Variants in CNTNAP2 observed in about 807,000 individuals in gnomAD.
CNTNAP2 encodes the protein contactin-associated protein-like 2.
In CNTNAP2, 98 loss-of-function variants were observed where a neutral mutation model predicts 155.2. The observed-to-expected ratio is 0.63, with a 90% CI of 0.54 to 0.75. The LOEUF is 0.75. Ranked by LOEUF, CNTNAP2 falls within the 30% of genes least tolerant of loss-of-function variation. The pLI is 0.00. For missense variants in CNTNAP2, 1,727 were observed against 1,688.1 expected (o/e 1.02, Z -0.40); for synonymous variants, 651 against 631.2 (o/e 1.03, Z -0.47).
intron 15 of CNTNAP2, among the ~76,000 whole-genome samples, chr7:148,105,566 G>T (rs1227227493): frequency 6.6e-6 from 1 of 151,758 alleles, no homozygotes. Context: ...GGTCGGTTTT[G>T]CATTTTATTT....
intron 13 of CNTNAP2, among the ~76,000 whole-genome samples, chr7:147,757,925 G>A (rs146738237): frequency 1.1e-3 from 168 of 152,244 alleles, no homozygotes; most frequent in African/African-American, 3.9e-3. Flanking sequence ...AAGTACATAC[G>A]TAGCACTTTA....
rs139137805 is a variant in CNTNAP2 at position 148,272,106 on chromosome 7, A to T, written c.3475+4980A>T. Among the ~76,000 whole-genome samples the T allele has an allele frequency of 5.6e-4, 85 of 152,352 alleles. No homozygotes were observed. In the East Asian group the frequency reaches 0.01, roughly 19 times the overall value. On this transcript the variant is annotated intron_variant, in intron 21 of 23. Transcript: ENST00000361727. ...GGCTACCTAATCAAGGACAAGTGTG[A>T]TCTTTATAAAGGGGATGGAGGATAT...
intron 3 of CNTNAP2, among the ~76,000 whole-genome samples, chr7:146,936,734 T>A (rs993705475): frequency 6.6e-6 from 1 of 152,182 alleles, no homozygotes; most frequent in African/African-American, 2.4e-5. Context: ...CATAGACTGC[T>A]GAGTGTTTAA....
At chr7:146,873,650 T>C (rs990823555) in intron 3 of CNTNAP2, among the ~76,000 whole-genome samples, 3 of 152,028 alleles carry the variant, frequency 2.0e-5, no homozygotes, top group Non-Finnish European at 4.4e-5. Flanking sequence ...AGAAGAATAA[T>C]AAGCATGGAG....
intron 4 of CNTNAP2, among the ~76,000 whole-genome samples, chr7:147,063,647 G>A (rs1460179419): frequency 6.6e-6 from 1 of 151,908 alleles, no homozygotes; most frequent in African/African-American, 2.4e-5. Context: ...AGGAATGAGA[G>A]GCAAAAATGT....
chr7:148,236,904 C>T (rs1420758832), intron 20 of CNTNAP2, among the ~76,000 whole-genome samples: 1 of 152,212 alleles, frequency 6.6e-6, no homozygotes, highest in East Asian at 1.9e-4. Context: ...ATCAGGAGAA[C>T]AGCACCAAGA....
chr7:147,817,487 T>C (rs1425886024), intron 13 of CNTNAP2, among the ~76,000 whole-genome samples: 2 of 152,168 alleles, frequency 1.3e-5, no homozygotes, highest in Non-Finnish European at 2.9e-5. Context: ...AGACAACATA[T>C]ATGGCGCAGT....
chr7:148,317,962 T>G (rs1453883573), intron 21 of CNTNAP2, among the ~76,000 whole-genome samples: 1 of 151,936 alleles, frequency 6.6e-6, no homozygotes, highest in Non-Finnish European at 1.5e-5. Flanking sequence ...ATTACAGGCG[T>G]GAGCCTCCGT....
At chr7:148,116,718 A>G (rs1285024135) in intron 15 of CNTNAP2, among the ~76,000 whole-genome samples, 1 of 152,222 alleles carries the variant, frequency 6.6e-6, no homozygotes, top group Non-Finnish European at 1.5e-5. Context: ...GCATGGCAGA[A>G]CCAACACAAA....
rs559734240 is a variant in CNTNAP2 at position 148,415,626 on chromosome 7, A to T, written c.*10A>T. The T allele has an allele frequency of 1.2e-6, 2 of 1,614,072 alleles. No homozygotes were observed. The highest frequency in any genetic ancestry group is 1.7e-6 in the Non-Finnish European group (2 of 1,180,028). ...GGAATGGCTCATTTGAGGGGTGGCT[A>T]CTTGGCTATGGGATAGGGAGGAGGG... On this transcript the variant is annotated 3_prime_UTR_variant, in exon 24 of 24. Coordinates refer to ENST00000361727, the MANE Select transcript of CNTNAP2 (RefSeq NM_014141.6).
intron 10 of CNTNAP2, among the ~76,000 whole-genome samples, chr7:147,408,766 TAAAA>T (rs976647829): frequency 1.3e-5 from 2 of 151,492 alleles, no homozygotes; most frequent in South Asian, 2.1e-4. Context: ...TCAATAATAA[TAAAA>T]AAAAGAGGAC....
intron 11 of CNTNAP2, among the ~76,000 whole-genome samples, chr7:147,529,969 A>T (rs1799401786): frequency 6.6e-6 from 1 of 152,218 alleles, no homozygotes; most frequent in Admixed American, 6.5e-5. Flanking sequence ...TTATTCAAGA[A>T]AGGTCCAGAA....
chr7:148,057,980 A>ATTATTATTATTG (rs1554467518), intron 15 of CNTNAP2, among the ~76,000 whole-genome samples: 6 of 147,370 alleles, frequency 4.1e-5, no homozygotes, highest in Non-Finnish European at 8.9e-5. Flanking sequence ...TATTATTATT[A>ATTATTATTATTG]TTATTATTGT....
chr7:147,216,274 A>G (rs183003830), intron 8 of CNTNAP2, among the ~76,000 whole-genome samples: 1 of 151,492 alleles, frequency 6.6e-6, no homozygotes, highest in Admixed American at 6.6e-5. Context: ...GGTCATGCAG[A>G]TTTTCTCATG....
intron 1 of CNTNAP2, among the ~76,000 whole-genome samples, chr7:146,556,355 GA>G (rs1456640566): frequency 6.6e-6 from 1 of 152,116 alleles, no homozygotes; most frequent in Non-Finnish European, 1.5e-5. Flanking sequence ...GACTTTGGAT[GA>G]ATTGCTTAAT....
At chr7:148,319,137 A>G (rs1171662758) in intron 21 of CNTNAP2, among the ~76,000 whole-genome samples, 1 of 152,214 alleles carries the variant, frequency 6.6e-6, no homozygotes, top group African/African-American at 2.4e-5. Flanking sequence ...ATTAACATAG[A>G]TAAGAAAGCA....
intron 10 of CNTNAP2, among the ~76,000 whole-genome samples, chr7:147,419,098 G>C (rs1213175791): frequency 6.6e-6 from 1 of 152,116 alleles, no homozygotes; most frequent in South Asian, 2.1e-4. Context: ...GCATTCAAAG[G>C]TTGAATCCAT....
intron 3 of CNTNAP2, among the ~76,000 whole-genome samples, chr7:147,012,265 C>A (rs1798641467): frequency 1.3e-5 from 2 of 152,052 alleles, no homozygotes; most frequent in African/African-American, 4.8e-5. Context: ...ATGTAAAAAC[C>A]CTCATTCTAA....
intron 10 of CNTNAP2, among the ~76,000 whole-genome samples, chr7:147,448,163 T>A (rs1040957385): frequency 5.3e-4 from 80 of 152,270 alleles, no homozygotes; most frequent in African/African-American, 1.7e-3. Context: ...TGATATATAG[T>A]ATTTATATTT....
Sources: allele counts gnomAD v4.1 joint callset (sites outside exome capture counted in the v4.1 genomes callset), GRCh38; gene constraint gnomAD v4.1.1; transcripts MANE v1.5; gene names NCBI Gene and HGNC (gene_info 2026-07-23, HGNC 2026-07-21).